SLC7A8: variants seen among roughly 807,000 people sequenced by gnomAD.
The protein encoded by SLC7A8 is solute carrier family 7 member 8.
In SLC7A8, 30 loss-of-function variants were observed where a neutral mutation model predicts 51.2. The ratio of observed to expected loss-of-function variants is 0.59; its 90% CI spans 0.44 to 0.80. The LOEUF (loss-of-function observed/expected upper bound fraction) is 0.80. Among genes scored for constraint, SLC7A8 ranks in the 30% least tolerant of loss-of-function variants. The pLI, the probability that SLC7A8 is intolerant of heterozygous loss-of-function variation, is 0.00. For synonymous variants in SLC7A8, 257 were observed against 275.8 expected, an observed-to-expected ratio of 0.93 and a Z score of 0.67; for missense variants, 612 against 674.4, an observed-to-expected ratio of 0.91 and a Z score of 1.03.
chr14:23,157,162 A>G (rs965231558), intron 3 of SLC7A8, among the ~76,000 whole-genome samples: 5 of 152,204 alleles, frequency 3.3e-5, no homozygotes, highest in Non-Finnish European at 7.3e-5. Flanking sequence ...ACGTACAGAC[A>G]ATACGACCCA....
At position 23,128,161 on chromosome 14, in the gene SLC7A8, G is replaced by T; in HGVS notation, c.1299C>A (p.Phe433Leu). 6.2e-7 allele frequency: 1 copy of T among 1,614,210 alleles called. No homozygotes were observed. The highest frequency in any genetic ancestry group is 8.5e-7 in the Non-Finnish European group (1 of 1,180,018). Residue 433 changes from phenylalanine (F) to leucine (L), a missense_variant, in exon 10 of 11, where the codon TTC becomes TTA. Physicochemically the swap from Phe to Leu is conservative, Grantham distance 22. Coordinates refer to ENST00000316902, the MANE Select transcript of SLC7A8 (RefSeq NM_012244.4). This position sits in a 1 kb window ranked among gnomAD's most constrained non-coding sequence, Gnocchi z 4.3. ...NLLFPIIYLL[F>L]WAFLLVFSLW... is the part of the protein sequence containing the mutation. ...GGCTGAAGACCAGCAGGAAGGCCCAGAACAGCAAGTAGATGATGGGGAACA... is the reference window on the plus strand; with the variant it reads ...GGCTGAAGACCAGCAGGAAGGCCCATAACAGCAAGTAGATGATGGGGAACA...
intron 5 of SLC7A8, among the ~76,000 whole-genome samples, chr14:23,139,994 G>T (rs567283507): frequency 6.6e-6 from 1 of 152,198 alleles, no homozygotes; most frequent in South Asian, 2.1e-4. Flanking sequence ...GTGACAGGGT[G>T]AGACCCTGTC....
Position 23,128,458 on chromosome 14 carries a change from G to T in SLC7A8, c.1264-262C>A. On this transcript the variant is annotated intron_variant, in intron 9 of 10. Coordinates refer to ENST00000316902, the MANE Select transcript of SLC7A8 (RefSeq NM_012244.4). This position sits in a 1 kb window ranked among gnomAD's most constrained non-coding sequence, Gnocchi z 4.3. Reference sequence around the variant, plus strand: ...AACGATCCTCCTTGCCCATGTCCTCGCTCTTGGGTGTGGTTAGACAAGGCC... The same window carrying T: ...AACGATCCTCCTTGCCCATGTCCTCTCTCTTGGGTGTGGTTAGACAAGGCC... 1 of 1,210,370 alleles carries T rather than the reference G, an allele frequency of 8.3e-7. No homozygotes were observed. Among genetic ancestry groups the T allele is most frequent in the East Asian group, 3.2e-5 (1 of 31,718 alleles). The allele number at this position is 1,210,370 out of a possible 1,614,324, so 75.0% of individuals were successfully genotyped here.
rs547615380 is a variant in SLC7A8 at position 23,173,071 on chromosome 14, G to A, written c.152-6531C>T. On this transcript the variant is annotated intron_variant, in intron 1 of 10. Coordinates refer to ENST00000316902, the MANE Select transcript of SLC7A8 (RefSeq NM_012244.4). ...TAGCAGTGTTAAGTATATTCACATC[G>A]TTGTGAGGCAATCTTGAATAATGAT... Among the ~76,000 whole-genome samples the A allele has an allele frequency of 2.6e-5, 4 of 152,252 alleles. No homozygotes were observed. The South Asian group carries it at 6.2e-4, about 24-fold the overall frequency.
intron 6 of SLC7A8, 158 bp from the exon 7 acceptor site, chr14:23,138,182 C>T: frequency 1.2e-6 from 1 of 835,632 alleles, no homozygotes; most frequent in Non-Finnish European, 1.8e-6. Context: ...AGGGTGGACC[C>T]CTACACAGGG....
rs1175123850 is a variant in SLC7A8, at chr14:23,165,957, G to C, written c.356+379C>G. Among the ~76,000 whole-genome samples the C allele has an allele frequency of 1.3e-5, 2 of 152,042 alleles. No individual in the cohort carries two copies. The highest frequency in any genetic ancestry group is 3.9e-4 in the East Asian group (2 of 5,186). ...ATTATCCTTGGTAGTGTGAGAAGAG[G>C]GTGCACTCTACCTTAGCTGGCCACT... On this transcript the variant is annotated intron_variant, in intron 2 of 10. Coordinates refer to ENST00000316902, the MANE Select transcript of SLC7A8 (RefSeq NM_012244.4). This position sits in a 1 kb window ranked among gnomAD's most constrained non-coding sequence, Gnocchi z 4.2.
At chr14:23,148,931 A>G (rs2048822175) in intron 3 of SLC7A8, among the ~76,000 whole-genome samples, 1 of 152,224 alleles carries the variant, frequency 6.6e-6, no homozygotes, top group African/African-American at 2.4e-5. Flanking sequence ...CAGACATTAT[A>G]CAGAAAGACC....
Position 23,166,322 on chromosome 14 carries a change from A to C in SLC7A8, c.356+14T>G, listed in dbSNP as rs763398160. 1 of 1,612,190 alleles carries C rather than the reference A, an allele frequency of 6.2e-7. No individual in the cohort carries two copies. Among genetic ancestry groups the C allele is most frequent in the East Asian group, 2.2e-5 (1 of 44,866 alleles). The stretch of plus-strand genomic sequence containing the variant: ...TTTCCCCTAGACCATTCAGGTCTCC[A>C]CAGATCCTCTTACCCAGCCAGTCCT... On this transcript the variant is annotated intron_variant, in intron 2 of 10. Transcript: ENST00000316902.
chr14:23,134,453 A>G (rs1167466227), intron 7 of SLC7A8, among the ~76,000 whole-genome samples: 1 of 150,990 alleles, frequency 6.6e-6, no homozygotes, highest in East Asian at 1.9e-4. Flanking sequence ...AAAAAAAAAA[A>G]AAAAAAAGAA....
chr14:23,141,192 G>A (rs1284040244), intron 4 of SLC7A8, among the ~76,000 whole-genome samples: 2 of 152,150 alleles, frequency 1.3e-5, no homozygotes, highest in Non-Finnish European at 2.9e-5. Flanking sequence ...GGCTAAGGTG[G>A]GAGGATCACT....
chr14:23,159,340 C>G (rs1345071806), intron 3 of SLC7A8, among the ~76,000 whole-genome samples: 2 of 152,138 alleles, frequency 1.3e-5, no homozygotes, highest in Non-Finnish European at 2.9e-5. Context: ...AAGAGATTTT[C>G]AATACATTTA....
intron 1 of SLC7A8, among the ~76,000 whole-genome samples, chr14:23,180,357 A>G (rs1877120272): frequency 6.6e-6 from 1 of 152,220 alleles, no homozygotes; most frequent in Non-Finnish European, 1.5e-5. Flanking sequence ...TCTCCAGAAG[A>G]GGAAAGGGCA....
intron 3 of SLC7A8, among the ~76,000 whole-genome samples, chr14:23,144,712 C>T (rs1371650047): frequency 6.6e-6 from 1 of 152,130 alleles, no homozygotes; most frequent in African/African-American, 2.4e-5. Context: ...CCATCTCCAC[C>T]TGGCAAACCC....
intron 3 of SLC7A8, among the ~76,000 whole-genome samples, chr14:23,149,078 G>A (rs2048823534): frequency 6.6e-6 from 1 of 152,226 alleles, no homozygotes; most frequent in African/African-American, 2.4e-5. Flanking sequence ...CTCTCTAGAA[G>A]AGGGTAGTGA....
Position 23,166,413 on chromosome 14 carries a change from A to G in SLC7A8, c.279T>C (p.Tyr93=), listed in dbSNP as rs1242955633. The G allele has an allele frequency of 2.3e-5, 37 of 1,614,214 alleles. No individual in the cohort carries two copies. Among genetic ancestry groups the G allele is most frequent in the Non-Finnish European group, 3.1e-5 (37 of 1,180,046 alleles). Residue 93 remains tyrosine, a synonymous_variant, in exon 2 of 11, where the codon TAT becomes TAC. Coordinates refer to ENST00000316902, the MANE Select transcript of SLC7A8 (RefSeq NM_012244.4). ...GFITVVGALC[Y]AELGVTIPKS... Reference sequence around the variant, plus strand: ...TGGGGATGGTGACCCCGAGTTCAGCATAGCAGAGGGCTCCCACAACTGTGA... The same window carrying G: ...TGGGGATGGTGACCCCGAGTTCAGCGTAGCAGAGGGCTCCCACAACTGTGA...
intron 7 of SLC7A8, among the ~76,000 whole-genome samples, chr14:23,134,388 A>ATTTG (rs1164483169): frequency 8.2e-6 from 1 of 122,380 alleles, no homozygotes; most frequent in Admixed American, 1.1e-4. Context: ...AGTGAGCTGT[A>ATTTG]TTTGCACCAC....
intron 1 of SLC7A8, among the ~76,000 whole-genome samples, chr14:23,175,960 C>G (rs1356900941): frequency 6.6e-6 from 1 of 152,216 alleles, no homozygotes; most frequent in African/African-American, 2.4e-5. Flanking sequence ...TACCTCCTAG[C>G]TGGCTTCTGT....
At chr14:23,140,413 A>G (rs2048732594) in intron 5 of SLC7A8, 58 bp downstream of exon 5, 1 of 1,520,098 alleles carries the variant, frequency 6.6e-7, no homozygotes, top group Non-Finnish European at 8.9e-7. Flanking sequence ...CCCTCTTTCC[A>G]GCAGCAGGTG....
intron 3 of SLC7A8, among the ~76,000 whole-genome samples, chr14:23,158,926 A>G (rs1405397998): frequency 6.6e-6 from 1 of 152,132 alleles, no homozygotes; most frequent in East Asian, 1.9e-4. Flanking sequence ...TGTGAACCTA[A>G]TCATGTGACT....
Sources: gnomAD v4.1 joint callset for allele counts (sites outside exome capture counted in the v4.1 genomes callset) on GRCh38, gnomAD v4.1.1 for gene constraint, Gnocchi (gnomAD v3.1) non-coding constraint, MANE v1.5 for transcripts, NCBI Gene and HGNC (gene_info 2026-07-23, HGNC 2026-07-21) for gene names.